Variants in CFAP210 observed in about 807,000 individuals in gnomAD.
CFAP210 encodes cilia and flagella associated protein 210, also known as cilia- and flagella- associated protein 210.
chr2:169,684,327 C>T, the CFAP210 span, among the ~76,000 whole-genome samples: 61,995 of 152,040 alleles, frequency 0.41, 12,914 homozygotes, highest in Non-Finnish European at 0.44. Flanking sequence ...AGTTATAATA[C>T]ACATAAAAAT....
chr2:169,678,338 TTGCAAA>T, the CFAP210 span, among the ~76,000 whole-genome samples: 25 of 92,626 alleles, frequency 2.7e-4, no homozygotes, highest in Non-Finnish European at 4.4e-4. Context: ...CGAAACTCTG[TTGCAAA>T]AAAAAAAAAA....
At chr2:169,692,444 G>GTGCACA in the CFAP210 span, among the ~76,000 whole-genome samples, 1 of 143,668 alleles carries the variant, frequency 7.0e-6, no homozygotes, top group East Asian at 2.1e-4. Context: ...ACAGGCGCAC[G>GTGCACA]CACACACACA....
At chr2:169,667,631 G>A in the CFAP210 span, among the ~76,000 whole-genome samples, 2 of 152,198 alleles carry the variant, frequency 1.3e-5, no homozygotes, top group East Asian at 1.9e-4. Context: ...TATGTTAACA[G>A]CCATGAAAAC....
At chr2:169,652,864 G>T in the CFAP210 span, among the ~76,000 whole-genome samples, 1 of 148,296 alleles carries the variant, frequency 6.7e-6, no homozygotes, top group Non-Finnish European at 1.5e-5. Flanking sequence ...GCCGGGCCTG[G>T]TGGCGGGCTC....
At chr2:169,657,583 G>A in the CFAP210 span, among the ~76,000 whole-genome samples, 8 of 152,178 alleles carry the variant, frequency 5.3e-5, no homozygotes, top group African/African-American at 1.7e-4. Context: ...CCGGGTATGT[G>A]GCACATGCCT....
chr2:169,672,560 C>A, the CFAP210 span, among the ~76,000 whole-genome samples: 25 of 152,194 alleles, frequency 1.6e-4, no homozygotes, highest in Non-Finnish European at 3.5e-4. Context: ...GCTGCTGGTG[C>A]AAGTCCCAGA....
At chr2:169,661,165 A>AT in the CFAP210 span, 1 of 576,272 alleles carries the variant, frequency 1.7e-6, no homozygotes, top group Non-Finnish European at 3.4e-6. Context: ...TTTGCCTCCC[A>AT]GTGGAACAAA....
At chr2:169,670,475 T>G in the CFAP210 span, among the ~76,000 whole-genome samples, 3 of 152,216 alleles carry the variant, frequency 2.0e-5, no homozygotes, top group Admixed American at 2.0e-4. Context: ...AACTAATTAC[T>G]CTAAAACTTA....
chr2:169,669,533 A>C, the CFAP210 span, among the ~76,000 whole-genome samples: 1 of 152,238 alleles, frequency 6.6e-6, no homozygotes, highest in Non-Finnish European at 1.5e-5. Context: ...TGAATACATG[A>C]GAGTGGCCTG....
At chr2:169,682,648 G>A in the CFAP210 span, among the ~76,000 whole-genome samples, 61,954 of 151,928 alleles carry the variant, frequency 0.41, 12,913 homozygotes, top group Non-Finnish European at 0.44. Context: ...TCTGCCTTCT[G>A]TCTTAAGGAG....
At chr2:169,651,058 C>T in the CFAP210 span, among the ~76,000 whole-genome samples, 1 of 151,820 alleles carries the variant, frequency 6.6e-6, no homozygotes, top group Non-Finnish European at 1.5e-5. Context: ...GAAACCCTGT[C>T]TCCACTAAAA....
the CFAP210 span, among the ~76,000 whole-genome samples, chr2:169,669,705 G>A: frequency 1.7e-4 from 26 of 151,952 alleles, no homozygotes; most frequent in African/African-American, 6.3e-4. Context: ...GCTGGAGGAG[G>A]CGGAGCTTGC....
the CFAP210 span, among the ~76,000 whole-genome samples, chr2:169,665,733 T>C: frequency 6.6e-6 from 1 of 152,206 alleles, no homozygotes; most frequent in Non-Finnish European, 1.5e-5. Context: ...TGTGCAGTAC[T>C]GATAACATCA....
the CFAP210 span, among the ~76,000 whole-genome samples, chr2:169,668,669 G>A: frequency 6.6e-6 from 1 of 152,174 alleles, no homozygotes; most frequent in African/African-American, 2.4e-5. Context: ...GAGGCCCAAG[G>A]AAAGAGAGAG....
the CFAP210 span, among the ~76,000 whole-genome samples, chr2:169,665,430 A>T: frequency 3.9e-5 from 6 of 152,234 alleles, no homozygotes; most frequent in East Asian, 1.2e-3. Flanking sequence ...CAGGCTCCCA[A>T]GCTGGAACTA....
the CFAP210 span, chr2:169,661,498 G>T: frequency 4.0e-6 from 1 of 250,580 alleles, no homozygotes; most frequent in Non-Finnish European, 7.9e-6. Flanking sequence ...CAGGCCTGGA[G>T]CTAGAGAGCA....
chr2:169,690,908 G>A, the CFAP210 span, among the ~76,000 whole-genome samples: 16 of 152,112 alleles, frequency 1.1e-4, no homozygotes, highest in African/African-American at 1.7e-4. Flanking sequence ...ATACTTAGAG[G>A]ATCACTGAGC....
the CFAP210 span, among the ~76,000 whole-genome samples, chr2:169,678,315 T>C: frequency 8.4e-6 from 1 of 118,722 alleles, no homozygotes; most frequent in Non-Finnish European, 1.6e-5. Flanking sequence ...TACTCCAGCC[T>C]GGGCAACAAG....
At chr2:169,649,181 C>T in the CFAP210 span, 6 of 1,600,224 alleles carry the variant, frequency 3.7e-6, no homozygotes, top group Admixed American at 1.7e-5. Context: ...GGAGTAATTA[C>T]CATTTGCTGA....
Sources: gnomAD v4.1 joint callset for allele counts (sites outside exome capture counted in the v4.1 genomes callset) on GRCh38, gnomAD v4.1.1 for gene constraint, MANE v1.5 for transcripts, NCBI Gene and HGNC (gene_info 2026-07-23, HGNC 2026-07-21) for gene names.